ULK1: variants seen among roughly 807,000 people sequenced by gnomAD.
The protein encoded by ULK1 is serine/threonine-protein kinase ULK1.
A neutral mutation model predicts 117.5 loss-of-function variants in ULK1; 48 were observed. The ratio of observed to expected loss-of-function variants is 0.41; its 90% CI spans 0.32 to 0.52. ULK1 has a LOEUF of 0.52. Ranked by LOEUF, ULK1 falls within the 20% of genes least tolerant of loss-of-function variation. The pLI is 0.29. For synonymous variants in ULK1, 790 were observed against 637.8 expected, an observed-to-expected ratio of 1.24 and a Z score of -3.60; for missense variants, 1,387 against 1,473.4, an observed-to-expected ratio of 0.94 and a Z score of 0.96.
intron 3 of ULK1, among the ~76,000 whole-genome samples, chr12:131,899,637 C>G (rs964095778): frequency 5.3e-5 from 8 of 152,100 alleles, no homozygotes; most frequent in Non-Finnish European, 1.0e-4. Flanking sequence ...ACTACAGATA[C>G]GCACCACCAT....
chr12:131,906,762 C>A, intron 3 of ULK1, 130 bp from the exon 4 acceptor site: 1 of 1,156,456 alleles, frequency 8.6e-7, no homozygotes, highest in Non-Finnish European at 1.3e-6. Flanking sequence ...CCTCGTCTCC[C>A]GGCCGCTGGC....
At chr12:131,908,387 G>T (rs910599420) in intron 5 of ULK1, among the ~76,000 whole-genome samples, 6 of 152,132 alleles carry the variant, frequency 3.9e-5, no homozygotes, top group Non-Finnish European at 7.4e-5. Context: ...GGCTTCGGCG[G>T]CCTCCCGTCT....
At chr12:131,919,642 C>T in intron 25 of ULK1, 52 bp downstream of exon 25, 7 of 1,579,484 alleles carry the variant, frequency 4.4e-6, no homozygotes, top group Non-Finnish European at 6.0e-6. Context: ...GGAAGCCCAC[C>T]TTGCAACTGC....
At chr12:131,904,019 C>A (rs541681065) in intron 3 of ULK1, among the ~76,000 whole-genome samples, 2 of 152,164 alleles carry the variant, frequency 1.3e-5, no homozygotes, top group South Asian at 4.1e-4. Context: ...ATGGCAGGGC[C>A]AGGTGCCCTG....
At chr12:131,920,902 T>C (rs1890122449) in intron 26 of ULK1, 198 bp from the exon 27 acceptor site, 2 of 733,832 alleles carry the variant, frequency 2.7e-6, no homozygotes, top group Non-Finnish European at 4.3e-6. Flanking sequence ...GCCAGGGTCA[T>C]CTGGTTCCAG....
intron 22 of ULK1, 51 bp from the exon 23 acceptor site, chr12:131,918,446 G>A (rs775236886): frequency 1.3e-6 from 2 of 1,554,248 alleles, no homozygotes; most frequent in South Asian, 2.3e-5. Flanking sequence ...ATGGATGGGG[G>A]CCACGGTGTC....
intron 23 of ULK1, 79 bp downstream of exon 23, chr12:131,918,760 A>ATAGGGTGTGTGGGGTC: frequency 1.9e-6 from 1 of 535,730 alleles, no homozygotes; most frequent in Non-Finnish European, 2.6e-6. Context: ...TGTGTGGGGT[A>ATAGGGTGTGTGGGGTC]TAGGGTGTGT....
intron 3 of ULK1, chr12:131,896,919 T>A (rs893066376): frequency 6.6e-6 from 1 of 152,534 alleles, no homozygotes; most frequent in Non-Finnish European, 1.5e-5. Context: ...CACCCTGGGC[T>A]ACACTGCCTG....
intron 7 of ULK1, 76 bp downstream of exon 7, chr12:131,909,047 C>T (rs1386850542): frequency 1.4e-5 from 23 of 1,609,876 alleles, no homozygotes; most frequent in African/African-American, 4.0e-5. Flanking sequence ...GCGTGTGGTG[C>T]GCTCTGCTCT....
chr12:131,896,386 C>T, intron 3 of ULK1: 1 of 158,496 alleles, frequency 6.3e-6, no homozygotes. Flanking sequence ...TTCGTGCTGC[C>T]TCCGTGTCCC....
chr12:131,914,952 T>TGGCATGGGGTCCTG, intron 16 of ULK1, 131 bp from the exon 17 acceptor site: 1 of 1,338,884 alleles, frequency 7.5e-7, no homozygotes. Flanking sequence ...TGTAGCCACT[T>TGGCATGGGGTCCTG]GGCGTGGCAT....
Position 131,921,392 on chromosome 12 carries a change from G to A in ULK1, c.*31G>A, listed in dbSNP as rs1405037692. 2 of 1,600,252 alleles carry A rather than the reference G, an allele frequency of 1.2e-6. No homozygotes were observed. The highest frequency in any genetic ancestry group is 2.2e-5 in the South Asian group (2 of 91,070). On this transcript the variant is annotated 3_prime_UTR_variant, in exon 28 of 28. Transcript: ENST00000321867. ...CTGGCCTGGCTGGGCCCCCCGTCCTGCCGAGCCCTGCAGAGTGGGCTCTGT... is the reference window on the plus strand; with the variant it reads ...CTGGCCTGGCTGGGCCCCCCGTCCTACCGAGCCCTGCAGAGTGGGCTCTGT...
chr12:131,917,937 G>GT (rs1392699108), intron 22 of ULK1, among the ~76,000 whole-genome samples: 1 of 152,214 alleles, frequency 6.6e-6, no homozygotes, highest in African/African-American at 2.4e-5. Context: ...GTGCCCCTCG[G>GT]TTCCCCAGCC....
chr12:131,905,659 C>T (rs1470251476), intron 3 of ULK1, among the ~76,000 whole-genome samples: 1 of 152,162 alleles, frequency 6.6e-6, no homozygotes, highest in Non-Finnish European at 1.5e-5. Flanking sequence ...TCCTCCAGCC[C>T]AGCCTGCCTG....
At chr12:131,919,132 C>A (rs918591553) in intron 23 of ULK1, 80 bp from the exon 24 acceptor site, 2 of 1,463,814 alleles carry the variant, frequency 1.4e-6, no homozygotes, top group Non-Finnish European at 1.8e-6. Flanking sequence ...CTCCCCAAGG[C>A]GTCATCGGTG....
At position 131,895,824 on chromosome 12, in the gene ULK1, G is replaced by A; in HGVS notation, c.246G>A (p.Gln82=). 6.2e-7 allele frequency: 1 copy of A among 1,614,190 alleles called. No individual in the cohort carries two copies. The highest frequency in any genetic ancestry group is 8.5e-7 in the Non-Finnish European group (1 of 1,180,020). The change falls in exon 3 of 28, where the codon CAG becomes CAA. Residue 82 remains glutamine (Q), a splice_region_variant and synonymous_variant. Coordinates refer to ENST00000321867, the MANE Select transcript of ULK1 (RefSeq NM_003565.4). ...HENIVALYDF[Q]EMANSVYLVM... The stretch of plus-strand genomic sequence containing the variant: ...ACATCGTGGCCCTGTACGACTTCCA[G>A]GTAAGGCCTCTGGGCTGCGGTCTGC...
chr12:131,907,652 T>C lies in ULK1; in HGVS notation c.316+121T>C, dbSNP rs1330982933. The C allele has an allele frequency of 3.4e-5, 43 of 1,272,090 alleles. 1 individual carries two copies. In the East Asian group the frequency reaches 1.1e-3, roughly 33 times the overall value. 78.8% of individuals were successfully genotyped at this position (1,272,090 alleles called of 1,614,324 possible). A position where few individuals can be genotyped will look rare whatever the true frequency, so the allele number is the denominator to read the frequency against. ...AGTGGGTCCTTGGCTCATTGTGAGATTGGCTCTTTCTTGTCCCCCTGGGCC... is the reference window on the plus strand; with the variant it reads ...AGTGGGTCCTTGGCTCATTGTGAGACTGGCTCTTTCTTGTCCCCCTGGGCC... On this transcript the variant is annotated intron_variant, in intron 5 of 27. Coordinates refer to ENST00000321867, the MANE Select transcript of ULK1 (RefSeq NM_003565.4).
At chr12:131,917,310 A>AGGCTGTGGGACGGGGGTCGGGTAGG (rs1566127196) in intron 21 of ULK1, 101 bp from the exon 22 acceptor site, 1 of 18,126 alleles carries the variant, frequency 5.5e-5, no homozygotes, top group African/African-American at 6.7e-4. Context: ...GGTTGGGGGG[A>AGGCTGTGGGACGGGGGTCGGGTAGG]GCTCGGAGGC....
chr12:131,908,193 C>T (rs1889355714), intron 5 of ULK1, among the ~76,000 whole-genome samples: 1 of 152,148 alleles, frequency 6.6e-6, no homozygotes, highest in South Asian at 2.1e-4. Flanking sequence ...CCCGCTGGCC[C>T]CCTCGCCTCG....
Sources: gnomAD v4.1 joint callset for allele counts (sites outside exome capture counted in the v4.1 genomes callset) on GRCh38, gnomAD v4.1.1 for gene constraint, MANE v1.5 for transcripts, NCBI Gene and HGNC (gene_info 2026-07-23, HGNC 2026-07-21) for gene names.